Variants in L3MBTL4 observed in about 807,000 individuals in gnomAD.
L3MBTL4 encodes L3MBTL histone methyl-lysine binding protein 4, also known as lethal(3)malignant brain tumor-like protein 4.
A neutral mutation model predicts 84.5 loss-of-function variants in L3MBTL4; 70 were observed. The ratio of observed to expected loss-of-function variants is 0.83; its 90% CI spans 0.68 to 1.01. The LOEUF (loss-of-function observed/expected upper bound fraction) is 1.01. Ranked by LOEUF, L3MBTL4 falls within the 50% of genes least tolerant of loss-of-function variation. The pLI is 0.00. For missense variants in L3MBTL4, 715 were observed against 754.8 expected, an observed-to-expected ratio of 0.95 and a Z score of 0.62; for synonymous variants, 274 against 259.8, an observed-to-expected ratio of 1.05 and a Z score of -0.52.
intron 4 of L3MBTL4, among the ~76,000 whole-genome samples, chr18:6,277,460 C>T (rs1273137590): frequency 6.6e-6 from 1 of 152,184 alleles, no homozygotes; most frequent in Non-Finnish European, 1.5e-5. Flanking sequence ...ATATCTCCTT[C>T]TGGTTTCTCT....
intron 13 of L3MBTL4, among the ~76,000 whole-genome samples, chr18:6,164,921 T>C (rs2043564760): frequency 6.6e-6 from 1 of 152,132 alleles, no homozygotes; most frequent in South Asian, 2.1e-4. Flanking sequence ...GCAAAGAAGT[T>C]AAAAACCTTG....
At chr18:6,405,640 G>C (rs1184220322) in intron 1 of L3MBTL4, among the ~76,000 whole-genome samples, 1 of 151,888 alleles carries the variant, frequency 6.6e-6, no homozygotes, top group Non-Finnish European at 1.5e-5. Context: ...CTGGGCGCGA[G>C]GGCCCCCTAA....
chr18:6,186,914 GACAGAA>G (rs1226332560), intron 12 of L3MBTL4, among the ~76,000 whole-genome samples: 1 of 152,134 alleles, frequency 6.6e-6, no homozygotes, highest in African/African-American at 2.4e-5. Flanking sequence ...GGGCTACAGA[GACAGAA>G]GGCTCTGCTC....
chr18:6,285,806 G>GCT, intron 4 of L3MBTL4, among the ~76,000 whole-genome samples: 1 of 129,364 alleles, frequency 7.7e-6, no homozygotes, highest in Admixed American at 7.7e-5. Context: ...TTTTTTAAAA[G>GCT]ATATATTATT....
At chr18:6,075,237 A>G (rs1186644529) in intron 16 of L3MBTL4, among the ~76,000 whole-genome samples, 1 of 152,204 alleles carries the variant, frequency 6.6e-6, no homozygotes, top group African/African-American at 2.4e-5. Context: ...TCAAAGAAAA[A>G]GAACAAAAAT....
intron 16 of L3MBTL4, among the ~76,000 whole-genome samples, chr18:5,988,619 T>C (rs2053561367): frequency 6.6e-6 from 1 of 152,312 alleles, no homozygotes; most frequent in African/African-American, 2.4e-5. Flanking sequence ...CAATCATCAA[T>C]GTCCAGAGTA....
intron 10 of L3MBTL4, among the ~76,000 whole-genome samples, chr18:6,227,829 C>T (rs1385849043): frequency 6.6e-6 from 1 of 152,016 alleles, no homozygotes; most frequent in Non-Finnish European, 1.5e-5. Context: ...TGCCGCCACA[C>T]CTAGCTAATT....
chr18:6,167,522 C>G (rs1039286823), intron 13 of L3MBTL4, among the ~76,000 whole-genome samples: 3 of 152,136 alleles, frequency 2.0e-5, no homozygotes, highest in Non-Finnish European at 2.9e-5. Flanking sequence ...GCTGGTTCAA[C>G]ATACGCAAAT....
At chr18:6,191,689 T>C (rs2045100604) in intron 12 of L3MBTL4, among the ~76,000 whole-genome samples, 1 of 152,140 alleles carries the variant, frequency 6.6e-6, no homozygotes, top group Non-Finnish European at 1.5e-5. Context: ...CAGTGCACAC[T>C]GATATGACTC....
chr18:6,140,683 G>GC (rs2060171660), intron 13 of L3MBTL4, among the ~76,000 whole-genome samples: 2 of 152,154 alleles, frequency 1.3e-5, no homozygotes, highest in Admixed American at 1.3e-4. Flanking sequence ...TCCAGGATCT[G>GC]TAAGCTATGA....
At chr18:5,972,510 T>C (rs557691138) in intron 16 of L3MBTL4, among the ~76,000 whole-genome samples, 6 of 152,162 alleles carry the variant, frequency 3.9e-5, no homozygotes, top group Admixed American at 6.6e-5. Flanking sequence ...GGTACTACTT[T>C]AACTGCGATT....
intron 1 of L3MBTL4, chr18:6,395,503 C>T (rs951515798): frequency 6.6e-6 from 1 of 152,060 alleles, no homozygotes; most frequent in Non-Finnish European, 1.5e-5. Flanking sequence ...AAGTGTATTA[C>T]TAAGTAAAAT....
chr18:6,305,714 T>G (rs144965300), intron 3 of L3MBTL4, among the ~76,000 whole-genome samples: 1 of 152,150 alleles, frequency 6.6e-6, no homozygotes, highest in African/African-American at 2.4e-5. Context: ...CAGGTTAAAA[T>G]CCATCATTTT....
At chr18:6,341,080 A>C (rs1395582821) in intron 1 of L3MBTL4, among the ~76,000 whole-genome samples, 1 of 152,072 alleles carries the variant, frequency 6.6e-6, no homozygotes, top group Non-Finnish European at 1.5e-5. Context: ...GAATCTAGAG[A>C]GTCTCACTAA....
intron 14 of L3MBTL4, among the ~76,000 whole-genome samples, chr18:6,119,876 T>C (rs1022136505): frequency 9.2e-5 from 14 of 152,146 alleles, no homozygotes; most frequent in Non-Finnish European, 1.5e-5. Flanking sequence ...GTTAGAAGAC[T>C]AAAAGCTAAG....
At chr18:6,057,827 C>T (rs2057079599) in intron 16 of L3MBTL4, among the ~76,000 whole-genome samples, 1 of 152,174 alleles carries the variant, frequency 6.6e-6, no homozygotes, top group African/African-American at 2.4e-5. Flanking sequence ...ACAAGACAAG[C>T]AGTGTACTCA....
rs181804290 is a variant in L3MBTL4, at chr18:6,001,523, C to A, written c.1445-31961G>T. On this transcript the variant is annotated intron_variant, in intron 16 of 18. Transcript: ENST00000317931. ...GCAAACCCTGGGGAAGGCGGGGAATCTGATTAATAGAGATACTATATTATG... is the reference window on the plus strand; with the variant it reads ...GCAAACCCTGGGGAAGGCGGGGAATATGATTAATAGAGATACTATATTATG... Among the ~76,000 whole-genome samples the A allele has an allele frequency of 2.0e-5, 3 of 152,150 alleles. No individual in the cohort carries two copies. In the East Asian group the frequency reaches 5.8e-4, roughly 29 times the overall value.
At chr18:6,241,521 T>A in intron 7 of L3MBTL4, 72 bp from the exon 8 acceptor site, 2 of 857,544 alleles carry the variant, frequency 2.3e-6, no homozygotes, top group South Asian at 1.6e-5. Context: ...ATTAGGTTGG[T>A]GCAAAAGTAA....
intron 12 of L3MBTL4, among the ~76,000 whole-genome samples, chr18:6,192,932 A>G (rs577918787): frequency 6.6e-6 from 1 of 152,290 alleles, no homozygotes; most frequent in African/African-American, 2.4e-5. Context: ...AAAGAGAAAA[A>G]AAGAAAACAA....
Sources: allele counts gnomAD v4.1 joint callset (sites outside exome capture counted in the v4.1 genomes callset), GRCh38; gene constraint gnomAD v4.1.1; transcripts MANE v1.5; gene names NCBI Gene and HGNC (gene_info 2026-07-23, HGNC 2026-07-21).